Variants in EDA2R observed in about 807,000 individuals in gnomAD.
EDA2R encodes ectodysplasin A2 receptor.
Under a neutral mutation model 20.1 loss-of-function variants are expected in EDA2R, and 26 were observed. The observed-to-expected ratio is 1.30, with a 90% confidence interval of 0.95 to 1.80. The LOEUF is 1.80. Ranked by LOEUF, EDA2R falls within the 40% of genes most tolerant of loss-of-function variation. The pLI is 0.00. For missense variants in EDA2R, 277 were observed against 228.7 expected, an observed-to-expected ratio of 1.21 and a Z score of -1.36; for synonymous variants, 114 against 88.7, an observed-to-expected ratio of 1.29 and a Z score of -1.60.
intron 4 of EDA2R, 60 bp downstream of exon 4, chrX:66,604,361 C>T: frequency 1.8e-6 from 2 of 1,088,505 alleles, no homozygotes; most frequent in African/African-American, 3.6e-5. Context: ...TCTTTACTAC[C>T]CTATCTTGCT....
chrX:66,634,663 C>T (rs1934163607), intron 1 of EDA2R, among the ~76,000 whole-genome samples: 2 of 111,680 alleles, frequency 1.8e-5, no homozygotes, highest in Non-Finnish European at 3.8e-5. Flanking sequence ...ATAGAATTTT[C>T]CCAAAGTCAC....
intron 1 of EDA2R, among the ~76,000 whole-genome samples, chrX:66,632,165 G>A (rs1191423427): frequency 5.4e-5 from 6 of 111,995 alleles, no homozygotes; most frequent in East Asian, 2.8e-4. Context: ...GGCTCCTGCC[G>A]GTAATCCCAG....
At chrX:66,609,125 A>G (rs973673228) in intron 2 of EDA2R, among the ~76,000 whole-genome samples, 1 of 112,006 alleles carries the variant, frequency 8.9e-6, no homozygotes, top group African/African-American at 3.2e-5. Context: ...GGCTGCTTAA[A>G]AAACACAGAG....
At chrX:66,608,852 G>C (rs760729803) in intron 2 of EDA2R, among the ~76,000 whole-genome samples, 2 of 111,531 alleles carry the variant, frequency 1.8e-5, no homozygotes, top group African/African-American at 3.3e-5. Context: ...ACTTTGGGGA[G>C]GGGGAAATTG....
At chrX:66,631,916 C>T (rs1933854349) in intron 1 of EDA2R, among the ~76,000 whole-genome samples, 2 of 111,698 alleles carry the variant, frequency 1.8e-5, no homozygotes, top group African/African-American at 6.5e-5. Flanking sequence ...TGGTCATGCC[C>T]AACAAGCATA....
intron 2 of EDA2R, among the ~76,000 whole-genome samples, chrX:66,606,684 G>A (rs1929739193): frequency 8.9e-6 from 1 of 112,223 alleles, no homozygotes; most frequent in Non-Finnish European, 1.9e-5. Flanking sequence ...ATTTTTACTT[G>A]TACTTGTTAC....
intron 1 of EDA2R, among the ~76,000 whole-genome samples, chrX:66,632,305 T>G (rs748045105): frequency 9.0e-6 from 1 of 111,150 alleles, no homozygotes; most frequent in Admixed American, 9.6e-5. Flanking sequence ...ATGCCTGTAG[T>G]CCCAGCTACT....
intron 5 of EDA2R, among the ~76,000 whole-genome samples, 194 bp downstream of exon 5, chrX:66,602,439 G>A (rs767870540): frequency 5.4e-5 from 6 of 110,830 alleles, no homozygotes; most frequent in Non-Finnish European, 1.1e-4. Flanking sequence ...CTCAGGGTTG[G>A]CTTCAGTAAT....
At chrX:66,636,617 G>C (rs1046866101) in intron 1 of EDA2R, among the ~76,000 whole-genome samples, 5 of 109,808 alleles carry the variant, frequency 4.6e-5, no homozygotes, top group Non-Finnish European at 9.5e-5. Context: ...AAGCAGTAAG[G>C]AACCTCCCTC....
chrX:66,604,627 T>C, intron 3 of EDA2R, 121 bp from the exon 4 acceptor site: 1 of 586,468 alleles, frequency 1.7e-6, no homozygotes, highest in Non-Finnish European at 2.7e-6. Flanking sequence ...CCCACCCCTC[T>C]TTCTGAGTTA....
At chrX:66,618,747 C>A (rs1932123064) in intron 1 of EDA2R, among the ~76,000 whole-genome samples, 1 of 111,778 alleles carries the variant, frequency 8.9e-6, no homozygotes, top group South Asian at 3.7e-4. Flanking sequence ...CAACATAGAT[C>A]ATTTCTCTTT....
intron 1 of EDA2R, among the ~76,000 whole-genome samples, chrX:66,625,866 G>A (rs1056249128): frequency 2.7e-5 from 3 of 111,922 alleles, no homozygotes; most frequent in African/African-American, 9.8e-5. Flanking sequence ...CCCAGTACCA[G>A]CCCAAAGCCG....
At chrX:66,624,352 C>A (rs994797238) in intron 1 of EDA2R, among the ~76,000 whole-genome samples, 84 of 111,120 alleles carry the variant, frequency 7.6e-4, no homozygotes, top group African/African-American at 2.7e-3. Flanking sequence ...AACCTCAATT[C>A]TACTAAAAAT....
At chrX:66,626,391 G>T (rs1289511429) in intron 1 of EDA2R, among the ~76,000 whole-genome samples, 2 of 111,742 alleles carry the variant, frequency 1.8e-5, no homozygotes, top group Admixed American at 9.5e-5. Context: ...TTCAGCAATA[G>T]AATTGAACAA....
chrX:66,630,822 T>TACACACACACACACACAC (rs768792873), intron 1 of EDA2R, among the ~76,000 whole-genome samples: 1 of 93,693 alleles, frequency 1.1e-5, no homozygotes, highest in African/African-American at 3.8e-5. Context: ...TATATATATA[T>TACACACACACACACACAC]ACACACACAC....
At chrX:66,598,922 A>T (rs371023932) in intron 6 of EDA2R, among the ~76,000 whole-genome samples, 1 of 111,560 alleles carries the variant, frequency 9.0e-6, no homozygotes, top group East Asian at 2.8e-4. Flanking sequence ...ACCAACTCTA[A>T]AATGTAGCCC....
At chrX:66,619,421 A>C (rs1932236046) in intron 1 of EDA2R, among the ~76,000 whole-genome samples, 1 of 112,301 alleles carries the variant, frequency 8.9e-6, no homozygotes, top group Admixed American at 9.4e-5. Flanking sequence ...AAAGAAATAA[A>C]ATCAGATTTG....
At chrX:66,605,283 C>T (rs982090809) in intron 2 of EDA2R, 57 bp from the exon 3 acceptor site, 11 of 1,110,639 alleles carry the variant, frequency 9.9e-6, no homozygotes, top group African/African-American at 1.8e-5. Flanking sequence ...GATGGGATCA[C>T]CTGTGGGACA....
At position 66,605,178 on chromosome X, in the gene EDA2R, G is replaced by A; in HGVS notation, c.136C>T (p.Pro46Ser). ...GGDAYCTACPPRRYKSSWGHH... is the reference protein window; with the variant it reads ...GGDAYCTACPSRRYKSSWGHH... ...CCCCAGCTGCTTTTGTACCTGCGAGGAGGGCAGGCTGTGCAGTAGGCATCT... is the reference window on the plus strand; with the variant it reads ...CCCCAGCTGCTTTTGTACCTGCGAGAAGGGCAGGCTGTGCAGTAGGCATCT... Residue 46 changes from proline to serine, a missense_variant, in exon 3 of 7, where the codon CCT becomes TCT. By Grantham distance (74) the Pro-to-Ser change is moderately conservative. Transcript: ENST00000374719. The A allele has an allele frequency of 8.3e-7, 1 of 1,209,916 alleles. No homozygotes were observed. The highest frequency in any genetic ancestry group is 1.1e-6 in the Non-Finnish European group (1 of 894,670).
Sources: gnomAD v4.1 joint callset for allele counts (sites outside exome capture counted in the v4.1 genomes callset) on GRCh38, gnomAD v4.1.1 for gene constraint, MANE v1.5 for transcripts, NCBI Gene and HGNC (gene_info 2026-07-23, HGNC 2026-07-21) for gene names.